Variants in PRKAA2 observed in about 807,000 individuals in gnomAD.
PRKAA2 encodes the protein 5'-AMP-activated protein kinase catalytic subunit alpha-2.
In PRKAA2, 40 loss-of-function variants were observed where a neutral mutation model predicts 56.3. The observed-to-expected ratio is 0.71, with a 90% CI of 0.55 to 0.92. The LOEUF (loss-of-function observed/expected upper bound fraction) is 0.92. Among genes scored for constraint, PRKAA2 ranks in the 40% least tolerant of loss-of-function variants. The pLI is 0.00. For synonymous variants in PRKAA2, 214 were observed against 234.2 expected (o/e 0.91, Z 0.79); for missense variants, 542 against 686.9 (o/e 0.79, Z 2.36).
intron 1 of PRKAA2, among the ~76,000 whole-genome samples, chr1:56,656,681 A>G (rs2100384339): frequency 6.6e-6 from 1 of 152,276 alleles, no homozygotes; most frequent in African/African-American, 2.4e-5. Context: ...GCTGGAGTGT[A>G]CTGTATCCAC....
intron 2 of PRKAA2, among the ~76,000 whole-genome samples, chr1:56,682,877 T>C (rs2796507): frequency 0.44 from 67,355 of 151,816 alleles, 15,510 homozygotes; most frequent in East Asian, 0.59. Context: ...TAGCCACATT[T>C]CAAGTACTTA....
At chr1:56,691,816 A>G (rs925012463) in intron 3 of PRKAA2, among the ~76,000 whole-genome samples, 2 of 152,158 alleles carry the variant, frequency 1.3e-5, no homozygotes, top group Non-Finnish European at 2.9e-5. Flanking sequence ...TCAATTCCCC[A>G]AAACATTGTG....
chr1:56,684,279 T>C (rs1355860045), intron 2 of PRKAA2, among the ~76,000 whole-genome samples: 1 of 151,944 alleles, frequency 6.6e-6, no homozygotes, highest in Non-Finnish European at 1.5e-5. Context: ...AATTTTGGTT[T>C]TATGAAGTTG....
At chr1:56,689,616 G>A (rs1310533740) in intron 2 of PRKAA2, among the ~76,000 whole-genome samples, 3 of 152,098 alleles carry the variant, frequency 2.0e-5, no homozygotes, top group Non-Finnish European at 1.5e-5. Context: ...CTACTCGGGA[G>A]GTTGAGGCAG....
chr1:56,695,664 G>T (rs1644254539), intron 5 of PRKAA2, among the ~76,000 whole-genome samples: 1 of 152,024 alleles, frequency 6.6e-6, no homozygotes, highest in Non-Finnish European at 1.5e-5. Context: ...ACCACAGAAA[G>T]TATTATATGT....
intron 6 of PRKAA2, among the ~76,000 whole-genome samples, chr1:56,699,505 T>C (rs764099124): frequency 1.5e-4 from 23 of 152,208 alleles, no homozygotes; most frequent in African/African-American, 4.6e-4. Flanking sequence ...CTTTTAAAAT[T>C]GTCAGTTATT....
At chr1:56,647,805 G>A (rs1424228203) in intron 1 of PRKAA2, among the ~76,000 whole-genome samples, 3 of 151,638 alleles carry the variant, frequency 2.0e-5, no homozygotes, top group Non-Finnish European at 4.4e-5. Flanking sequence ...TGAGGCGGGC[G>A]GTTCAATTGA....
chr1:56,657,864 A>C (rs1235584681), intron 1 of PRKAA2, among the ~76,000 whole-genome samples: 1 of 152,178 alleles, frequency 6.6e-6, no homozygotes, highest in Non-Finnish European at 1.5e-5. Flanking sequence ...AGGAGGAAAG[A>C]AAGTGACCCC....
At position 56,692,465 on chromosome 1, in the gene PRKAA2, G is replaced by T; in HGVS notation, c.438G>T (p.Leu146=). The change falls in exon 4 of 9, where the codon CTG becomes CTT. Residue 146 remains leucine, a synonymous_variant. Coordinates refer to ENST00000371244, the MANE Select transcript of PRKAA2 (RefSeq NM_006252.4). ...VHRDLKPENV[L]LDAHMNAKIA... is the part of the protein sequence containing the mutation. The stretch of plus-strand genomic sequence containing the variant: ...GAGACCTGAAACCAGAGAATGTCCT[G>T]TTGGATGCACACATGAATGCCAAGA... 1 of 1,614,092 alleles carries T rather than the reference G, an allele frequency of 6.2e-7. No homozygotes were observed. Among genetic ancestry groups the T allele is most frequent in the Non-Finnish European group, 8.5e-7 (1 of 1,179,986 alleles).
chr1:56,671,508 A>G (rs1003270346), intron 1 of PRKAA2: 1 of 152,242 alleles, frequency 6.6e-6, no homozygotes, highest in African/African-American at 2.4e-5. Flanking sequence ...TTGAAATGTT[A>G]GCAAGTTATA....
chr1:56,707,038 C>T (rs1644336470), intron 8 of PRKAA2, among the ~76,000 whole-genome samples: 2 of 152,106 alleles, frequency 1.3e-5, no homozygotes, highest in South Asian at 4.1e-4. Flanking sequence ...TCCTGGGAAT[C>T]GTAGAAAATG....
chr1:56,646,678 G>A (rs571461819), intron 1 of PRKAA2, among the ~76,000 whole-genome samples: 122 of 152,236 alleles, frequency 8.0e-4, no homozygotes, highest in African/African-American at 2.6e-3. Flanking sequence ...ATGCTGGGTA[G>A]GCAGTCTGGA....
chr1:56,714,481 C>T lies in PRKAA2; in HGVS notation c.*6768C>T, dbSNP rs1238235600. ...GTATCTTGATTTTTAGGTAAGATCA[C>T]AGTTTCACAAATTGTGGTGTTGTTA... On this transcript the variant is annotated 3_prime_UTR_variant, in exon 9 of 9. Transcript: ENST00000371244. 3.9e-5 allele frequency: 6 copies of T among 152,106 alleles called. No individual in the cohort carries two copies. The highest frequency in any genetic ancestry group is 5.9e-5 in the Non-Finnish European group (4 of 67,990). 9.4% of individuals were successfully genotyped at this position (152,106 alleles called of 1,614,324 possible). A position where few individuals can be genotyped will look rare whatever the true frequency, so the allele number is the denominator to read the frequency against.
intron 3 of PRKAA2, 23 bp from the exon 4 acceptor site, chr1:56,692,335 G>T: frequency 6.2e-7 from 1 of 1,613,410 alleles, no homozygotes; most frequent in Non-Finnish European, 8.5e-7. Context: ...TATTCTTAAT[G>T]CAGTTTCTTT....
At position 56,645,488 on chromosome 1, in the gene PRKAA2, T is replaced by C; in HGVS notation, c.94+7T>C. Reference sequence around the variant, plus strand: ...ACCTTCGGCAAAGTGAAGAGTTGAGTACGCGCTCCGGACCGCTGTGCGGGG... The same window carrying C: ...ACCTTCGGCAAAGTGAAGAGTTGAGCACGCGCTCCGGACCGCTGTGCGGGG... On this transcript the variant is annotated splice_region_variant and intron_variant, in intron 1 of 8. Coordinates refer to ENST00000371244, the MANE Select transcript of PRKAA2 (RefSeq NM_006252.4). 6.8e-7 allele frequency: 1 copy of C among 1,478,768 alleles called. No individual in the cohort carries two copies. Among genetic ancestry groups the C allele is most frequent in the Non-Finnish European group, 9.0e-7 (1 of 1,106,780 alleles). 91.6% of individuals were successfully genotyped at this position (1,478,768 alleles called of 1,614,324 possible).
chr1:56,680,533 G>A (rs572153783), intron 2 of PRKAA2, among the ~76,000 whole-genome samples: 4 of 151,976 alleles, frequency 2.6e-5, no homozygotes, highest in Admixed American at 6.6e-5. Context: ...GACAGGCCCT[G>A]GTGTGTGATG....
rs1299545357 is a variant in PRKAA2 at position 56,658,696 on chromosome 1, C to T, written c.94+13215C>T. Among the ~76,000 whole-genome samples, 3 of 149,436 alleles carry T rather than the reference C, an allele frequency of 2.0e-5. No individual in the cohort carries two copies. In the Admixed American group the frequency reaches 2.0e-4, roughly 10 times the overall value. On this transcript the variant is annotated intron_variant, in intron 1 of 8. Transcript: ENST00000371244. ...GCACAATCATAGCTCACTGTAATCT[C>T]GAACTCCTGGGCTCAAGTGATCCTC...
At chr1:56,651,593 C>G (rs1419828160) in intron 1 of PRKAA2, among the ~76,000 whole-genome samples, 1 of 152,104 alleles carries the variant, frequency 6.6e-6, no homozygotes, top group East Asian at 1.9e-4. Context: ...ATATAATTTT[C>G]TATGTCTGCT....
At chr1:56,674,281 T>G (rs1182743014) in intron 1 of PRKAA2, 100 bp from the exon 2 acceptor site, 7 of 986,388 alleles carry the variant, frequency 7.1e-6, no homozygotes, top group Non-Finnish European at 1.0e-5. Flanking sequence ...ATAAAGATGG[T>G]ATATATGAGT....
Sources: allele counts gnomAD v4.1 joint callset (sites outside exome capture counted in the v4.1 genomes callset), GRCh38; gene constraint gnomAD v4.1.1; transcripts MANE v1.5; gene names NCBI Gene and HGNC (gene_info 2026-07-23, HGNC 2026-07-21).